The following CSMD1 variants were observed in gnomAD, a reference collection of about 807,000 sequenced individuals.
CSMD1 encodes the protein CUB and Sushi multiple domains 1, also known as CUB and sushi domain-containing protein 1.
A neutral mutation model predicts 417.5 loss-of-function variants in CSMD1; 213 were observed. That is an observed-to-expected ratio of 0.51 (90% CI 0.46 to 0.57). The LOEUF is 0.57. Among genes scored for constraint, CSMD1 ranks in the 20% least tolerant of loss-of-function variants. The pLI, the probability that CSMD1 is intolerant of heterozygous loss-of-function variation, is 0.00. For synonymous variants in CSMD1, 2,862 were observed against 1,736.8 expected, an observed-to-expected ratio of 1.65 and a Z score of -16.11; for missense variants, 6,923 against 4,529.7, an observed-to-expected ratio of 1.53 and a Z score of -15.17.
intron 38 of CSMD1, among the ~76,000 whole-genome samples, chr8:3,160,628 T>C (rs907876851): frequency 6.6e-6 from 1 of 152,182 alleles, no homozygotes; most frequent in Non-Finnish European, 1.5e-5. Flanking sequence ...CCCACCAAGA[T>C]GGTGTTATAA....
chr8:3,503,147 C>G (rs994226679), intron 10 of CSMD1, among the ~76,000 whole-genome samples: 1 of 152,088 alleles, frequency 6.6e-6, no homozygotes, highest in African/African-American at 2.4e-5. Flanking sequence ...TGTGAAATTA[C>G]AAAGACTGAA....
At chr8:4,647,056 G>C (rs1006357672) in intron 1 of CSMD1, among the ~76,000 whole-genome samples, 4 of 152,130 alleles carry the variant, frequency 2.6e-5, no homozygotes, top group Admixed American at 2.6e-4. Flanking sequence ...AGGCCAAGAT[G>C]GCAGCAAAGT....
intron 25 of CSMD1, among the ~76,000 whole-genome samples, chr8:3,304,522 C>G (rs1804663740): frequency 6.6e-6 from 1 of 151,972 alleles, no homozygotes; most frequent in African/African-American, 2.4e-5. Context: ...AGTTGATTGT[C>G]AATTGAGGAA....
At chr8:3,920,762 G>C (rs1030451958) in intron 5 of CSMD1, among the ~76,000 whole-genome samples, 50 of 143,366 alleles carry the variant, frequency 3.5e-4, no homozygotes, top group Non-Finnish European at 3.1e-5. Context: ...TTGTTAGTGG[G>C]GTATATCCAA....
chr8:4,679,003 G>C (rs1805865524), intron 1 of CSMD1, among the ~76,000 whole-genome samples: 1 of 152,164 alleles, frequency 6.6e-6, no homozygotes, highest in Non-Finnish European at 1.5e-5. Flanking sequence ...CTCACCCACA[G>C]AACAACAGGG....
intron 24 of CSMD1, 55 bp downstream of exon 24, chr8:3,308,257 G>A (rs1436918083): frequency 1.4e-5 from 20 of 1,390,974 alleles, no homozygotes; most frequent in African/African-American, 4.2e-5. Flanking sequence ...GCAACATGGT[G>A]CAAGCACCCT....
At chr8:4,699,678 C>G (rs140886086) in intron 1 of CSMD1, among the ~76,000 whole-genome samples, 117 of 152,236 alleles carry the variant, frequency 7.7e-4, no homozygotes, top group African/African-American at 2.8e-3. Context: ...ATGTCATCAT[C>G]CGTACATATG....
rs185775802 is a variant in CSMD1, at chr8:4,934,129, G to A, written c.85+60203C>T. On this transcript the variant is annotated intron_variant, in intron 1 of 69. Coordinates refer to ENST00000635120, the MANE Select transcript of CSMD1 (RefSeq NM_033225.6). ...AGCACCAGGGAGAGACCTTTGACAAGGAACTCCTGGCCCAGTGACTCTGAG... is the reference window on the plus strand; with the variant it reads ...AGCACCAGGGAGAGACCTTTGACAAAGAACTCCTGGCCCAGTGACTCTGAG... Among the ~76,000 whole-genome samples the A allele has an allele frequency of 9.9e-5, 15 of 152,282 alleles. No homozygotes were observed. The East Asian group carries it at 1.5e-3, about 16-fold the overall frequency.
At chr8:3,103,014 A>C (rs895673092) in intron 46 of CSMD1, among the ~76,000 whole-genome samples, 1 of 152,308 alleles carries the variant, frequency 6.6e-6, no homozygotes, top group South Asian at 2.1e-4. Flanking sequence ...GGGAGACAAA[A>C]CAAGACTAAT....
chr8:4,088,493 C>T (rs374286450), intron 3 of CSMD1, among the ~76,000 whole-genome samples: 4 of 152,192 alleles, frequency 2.6e-5, no homozygotes, highest in Admixed American at 2.0e-4. Context: ...GGTTATCCAT[C>T]TTCTTCTTTG....
chr8:3,235,128 A>G (rs965134073), intron 26 of CSMD1, among the ~76,000 whole-genome samples: 1 of 152,214 alleles, frequency 6.6e-6, no homozygotes, highest in Non-Finnish European at 1.5e-5. Context: ...TATTAAAATA[A>G]TTGTCATACA....
intron 5 of CSMD1, among the ~76,000 whole-genome samples, chr8:3,954,335 G>A (rs1004248825): frequency 6.6e-6 from 1 of 152,060 alleles, no homozygotes; most frequent in African/African-American, 2.4e-5. Flanking sequence ...AAGAGAGAAG[G>A]TCAAGAGCCA....
intron 5 of CSMD1, among the ~76,000 whole-genome samples, chr8:3,977,667 C>G (rs1391824109): frequency 1.3e-5 from 2 of 152,186 alleles, no homozygotes; most frequent in Non-Finnish European, 2.9e-5. Flanking sequence ...CCTTTCTGCT[C>G]ATAAGAATGT....
intron 25 of CSMD1, among the ~76,000 whole-genome samples, chr8:3,301,444 T>C (rs762262217): frequency 6.6e-6 from 1 of 152,078 alleles, no homozygotes; most frequent in Non-Finnish European, 1.5e-5. Flanking sequence ...AGATTATTAG[T>C]ACAGAAGGAA....
At chr8:3,580,419 A>G (rs1402174666) in intron 9 of CSMD1, among the ~76,000 whole-genome samples, 7 of 152,154 alleles carry the variant, frequency 4.6e-5, no homozygotes, top group African/African-American at 1.7e-4. Context: ...TACTCCAGAG[A>G]GGGGAAACCA....
intron 1 of CSMD1, among the ~76,000 whole-genome samples, chr8:4,701,768 T>G (rs913859051): frequency 1.1e-5 from 1 of 91,318 alleles, no homozygotes; most frequent in African/African-American, 6.7e-5. Flanking sequence ...TCAAACAAGT[T>G]TTAGAAAACC....
chr8:4,965,550 T>A (rs77632679), intron 1 of CSMD1, among the ~76,000 whole-genome samples: 1 of 152,216 alleles, frequency 6.6e-6, no homozygotes, highest in Non-Finnish European at 1.5e-5. Flanking sequence ...CTGTTTAACA[T>A]CTTTCAGAAC....
chr8:4,658,616 G>C (rs556361491), intron 1 of CSMD1, among the ~76,000 whole-genome samples: 54 of 152,168 alleles, frequency 3.5e-4, no homozygotes, highest in African/African-American at 1.3e-3. Flanking sequence ...CCAGTGCGGA[G>C]TATCCACAAT....
At chr8:4,430,497 A>T (rs1410318018) in intron 2 of CSMD1, among the ~76,000 whole-genome samples, 2 of 152,120 alleles carry the variant, frequency 1.3e-5, no homozygotes, top group African/African-American at 2.4e-5. Flanking sequence ...AATTTGCACT[A>T]AACAAAAATT....
Sources: allele counts gnomAD v4.1 joint callset (sites outside exome capture counted in the v4.1 genomes callset), GRCh38; gene constraint gnomAD v4.1.1; transcripts MANE v1.5; gene names NCBI Gene and HGNC (gene_info 2026-07-23, HGNC 2026-07-21).